STAB2: variants seen among roughly 807,000 people sequenced by gnomAD.
The protein encoded by STAB2 is stabilin-2.
A neutral mutation model predicts 338.1 loss-of-function variants in STAB2; 288 were observed. The ratio of observed to expected loss-of-function variants is 0.85; its 90% CI spans 0.77 to 0.94. The LOEUF (loss-of-function observed/expected upper bound fraction) is 0.94. Ranked by LOEUF, STAB2 falls within the 40% of genes least tolerant of loss-of-function variation. STAB2 has a pLI of 0.00. For synonymous variants in STAB2, 1,202 were observed against 1,193.3 expected, an observed-to-expected ratio of 1.01 and a Z score of -0.15; for missense variants, 3,141 against 3,210.1, an observed-to-expected ratio of 0.98 and a Z score of 0.52.
In STAB2 at chr12:103,766,480, T is replaced by C. The variant is rs1884975141; in HGVS notation, c.*144T>C. On this transcript the variant is annotated 3_prime_UTR_variant, in exon 69 of 69. Coordinates refer to ENST00000388887, the MANE Select transcript of STAB2 (RefSeq NM_017564.10). ...TCATCTCTCTGGCTGATCTGGGGGT[T>C]GTTTCTGTGGGTGAGAGATGTGTTG... The C allele has an allele frequency of 1.0e-6, 1 of 957,110 alleles. No individual in the cohort carries two copies. Among genetic ancestry groups the C allele is most frequent in the South Asian group, 1.7e-5 (1 of 58,554 alleles). The allele number at this position is 957,110 out of a possible 1,614,324, so 59.3% of individuals were successfully genotyped here. A position where few individuals can be genotyped will look rare whatever the true frequency, so the allele number is the denominator to read the frequency against.
chr12:103,676,078 T>C, intron 24 of STAB2, 57 bp downstream of exon 24: 1 of 1,206,798 alleles, frequency 8.3e-7, no homozygotes, highest in Non-Finnish European at 1.1e-6. Context: ...TTTTTTTTTT[T>C]TGAGACAGAG....
chr12:103,752,274 A>G (rs1883733988), intron 60 of STAB2, among the ~76,000 whole-genome samples: 1 of 152,242 alleles, frequency 6.6e-6, no homozygotes, highest in South Asian at 2.1e-4. Flanking sequence ...GTCTCAATAA[A>G]GAGACAAGGA....
intron 44 of STAB2, among the ~76,000 whole-genome samples, chr12:103,720,629 A>G (rs1220833377): frequency 6.6e-6 from 1 of 152,246 alleles, no homozygotes; most frequent in Non-Finnish European, 1.5e-5. Context: ...ATCTGGCCCA[A>G]GAACAATTAT....
chr12:103,628,986 T>C (rs1353351927), intron 5 of STAB2, among the ~76,000 whole-genome samples: 1 of 152,158 alleles, frequency 6.6e-6, no homozygotes, highest in Non-Finnish European at 1.5e-5. Flanking sequence ...TGCCAGACAA[T>C]GTCTTTATCT....
chr12:103,737,602 T>TCTCTG, intron 52 of STAB2, 32 bp from the exon 53 acceptor site: 1 of 983,720 alleles, frequency 1.0e-6, no homozygotes, highest in Non-Finnish European at 1.4e-6. Context: ...CTCTCTCTCT[T>TCTCTG]TCTCTTTTTT....
chr12:103,735,467 C>A, intron 51 of STAB2, 24 bp from the exon 52 acceptor site: 2 of 1,560,410 alleles, frequency 1.3e-6, no homozygotes, highest in Non-Finnish European at 1.7e-6. Flanking sequence ...TTGGGGCAGT[C>A]ACGTGGTGCC....
At chr12:103,686,215 G>A (rs576639608) in intron 27 of STAB2, among the ~76,000 whole-genome samples, 14 of 152,026 alleles carry the variant, frequency 9.2e-5, no homozygotes, top group East Asian at 1.9e-4. Context: ...CCCAGGACCC[G>A]CAGCCTGCAC....
intron 3 of STAB2, among the ~76,000 whole-genome samples, chr12:103,610,649 C>A (rs1169906812): frequency 6.6e-6 from 1 of 152,174 alleles, no homozygotes; most frequent in Admixed American, 6.5e-5. Context: ...CTCCTGGATT[C>A]ATTAATTTTT....
At position 103,677,440 on chromosome 12, in the gene STAB2, T is replaced by C. The variant is rs1028716554; in HGVS notation, c.2647-13T>C. On this transcript the variant is annotated splice_polypyrimidine_tract_variant and intron_variant, in intron 24 of 68. Coordinates refer to ENST00000388887, the MANE Select transcript of STAB2 (RefSeq NM_017564.10). ...AGGATTCAGAGGCTTTGCTTTTTCT[T>C]TTCCTCCTGCAGGCAGAATGCATCA... The C allele has an allele frequency of 6.3e-7, 1 of 1,596,552 alleles. No homozygotes were observed. The highest frequency in any genetic ancestry group is 8.6e-7 in the Non-Finnish European group (1 of 1,166,138).
At chr12:103,628,425 A>G (rs1957412430) in intron 5 of STAB2, among the ~76,000 whole-genome samples, 1 of 152,200 alleles carries the variant, frequency 6.6e-6, no homozygotes, top group Admixed American at 6.5e-5. Context: ...CAAGACCAAT[A>G]ACTGCACTGA....
In STAB2 at chr12:103,650,093, A is replaced by G. The variant is rs147882243; in HGVS notation, c.1175-403A>G. ...CAACATGGCAACTGCAGAGCATTAA[A>G]CCAATCATCGGGGCTCTTCTGAGCT... On this transcript the variant is annotated intron_variant, in intron 10 of 68. Coordinates refer to ENST00000388887, the MANE Select transcript of STAB2 (RefSeq NM_017564.10). Among the ~76,000 whole-genome samples, 685 of 152,168 alleles carry G rather than the reference A, an allele frequency of 4.5e-3. 8 individuals are homozygous for G. The highest frequency in any genetic ancestry group is 0.016 in the African/African-American group (656 of 41,522).
intron 30 of STAB2, among the ~76,000 whole-genome samples, chr12:103,692,398 G>A (rs557306774): frequency 2.0e-5 from 3 of 151,934 alleles, no homozygotes; most frequent in Admixed American, 6.6e-5. Context: ...GTGGGGGCAG[G>A]GGGGGACACA....
chr12:103,705,805 C>T lies in STAB2; in HGVS notation c.3996+78C>T. 6 of 1,388,156 alleles carry T rather than the reference C, an allele frequency of 4.3e-6. No individual in the cohort carries two copies. The South Asian group carries it at 7.1e-5, about 16-fold the overall frequency. The allele number at this position is 1,388,156 out of a possible 1,614,324, so 86.0% of individuals were successfully genotyped here. A position where few individuals can be genotyped will look rare whatever the true frequency, so the allele number is the denominator to read the frequency against. On this transcript the variant is annotated intron_variant, in intron 37 of 68. Transcript: ENST00000388887. ...CATCATATGGTATCCTTTTCAAAAT[C>T]CCTGTGCAGGTATGCTTTCTGCCAT...
At chr12:103,707,021 C>A (rs1284910669) in intron 38 of STAB2, 34 bp downstream of exon 38, 1 of 1,605,436 alleles carries the variant, frequency 6.2e-7, no homozygotes, top group African/African-American at 1.3e-5. Context: ...GGATCTTGGG[C>A]TGCTGAAACC....
In STAB2 at chr12:103,638,158, C is replaced by G; in HGVS notation, c.852C>G (p.Asn284Lys). 1 of 1,614,204 alleles carries G rather than the reference C, an allele frequency of 6.2e-7. No homozygotes were observed. The highest frequency in any genetic ancestry group is 2.2e-5 in the East Asian group (1 of 44,884). Residue 284 changes from asparagine to lysine, a missense_variant, in exon 8 of 69, where the codon AAC becomes AAG. Asn to Lys is a moderately conservative substitution (Grantham distance 94, BLOSUM62 0). Transcript: ENST00000388887. ...TGCCTGTGGACCCCTGCCAAATTAA[C>G]TTTGGAAACTGCCCTACAAAGTCTA... is the stretch of plus-strand genomic sequence containing the variant. The part of the protein sequence containing the change: ...VCLPVDPCQI[N>K]FGNCPTKSTV...
At chr12:103,642,614 C>T (rs187331763) in intron 9 of STAB2, among the ~76,000 whole-genome samples, 5 of 152,204 alleles carry the variant, frequency 3.3e-5, no homozygotes, top group African/African-American at 1.2e-4. Flanking sequence ...GTGTTTCCAG[C>T]AGTTTGACCC....
intron 44 of STAB2, 29 bp from the exon 45 acceptor site, chr12:103,724,946 C>T: frequency 6.2e-7 from 1 of 1,610,626 alleles, no homozygotes; most frequent in Non-Finnish European, 8.5e-7. Flanking sequence ...GTCTAATCCC[C>T]ATCCCTTGCC....
rs1172271606 is a variant in STAB2, at chr12:103,600,200, G to A, written c.331+5690G>A. 2.0e-5 allele frequency among the ~76,000 whole-genome samples: 3 copies of A among 152,176 alleles called. No homozygotes were observed. In the South Asian group the frequency reaches 6.2e-4, roughly 32 times the overall value. ...TACATAGTTTCAGCACTTTGGTAAG[G>A]ACATTTCTGTACATCTCATTTCTTT... On this transcript the variant is annotated intron_variant, in intron 3 of 68. Transcript: ENST00000388887.
chr12:103,682,537 A>G (rs564686783), intron 25 of STAB2, among the ~76,000 whole-genome samples: 19 of 152,328 alleles, frequency 1.2e-4, no homozygotes, highest in Admixed American at 1.0e-3. Flanking sequence ...ATCTCCACCA[A>G]GTGGATACCC....
Sources: gnomAD v4.1 joint callset for allele counts (sites outside exome capture counted in the v4.1 genomes callset) on GRCh38, gnomAD v4.1.1 for gene constraint, MANE v1.5 for transcripts, NCBI Gene and HGNC (gene_info 2026-07-23, HGNC 2026-07-21) for gene names.